Variants in CACNA1H observed in about 807,000 individuals in gnomAD.
CACNA1H encodes the protein voltage-dependent T-type calcium channel subunit alpha-1H.
In CACNA1H, 149 loss-of-function variants were observed where a neutral mutation model predicts 192.5. That is an observed-to-expected ratio of 0.77 (90% confidence interval 0.68 to 0.89). The LOEUF (loss-of-function observed/expected upper bound fraction) is 0.89, where lower values mean the gene tolerates loss of function less well. Among genes scored for constraint, CACNA1H ranks in the 40% least tolerant of loss-of-function variants. CACNA1H has a pLI of 0.00. For synonymous variants in CACNA1H, 2,202 were observed against 1,475.2 expected (o/e 1.49, Z -11.29); for missense variants, 4,257 against 3,423.5 (o/e 1.24, Z -6.08).
At chr16:1,165,951 C>G (rs910229851) in intron 2 of CACNA1H, among the ~76,000 whole-genome samples, 2 of 152,110 alleles carry the variant, frequency 1.3e-5, no homozygotes, top group East Asian at 1.9e-4. Flanking sequence ...GTGGGCACAC[C>G]GGCCCGTGCA....
rs1258180599 is a variant in CACNA1H at position 1,195,024 on chromosome 16, G to GGCAT, written c.354_357dup (p.Phe120HisfsTer6). On this transcript the variant is annotated frameshift_variant, in exon 3 of 35. Transcript: ENST00000348261. LOFTEE classifies it high-confidence loss of function. Reference sequence around the variant, plus strand: ...AATCATGCTCAACTGCGTGACCCTGGGCATGTTCCGGCCCTGTGAGGACGT... The same window carrying GGCAT: ...AATCATGCTCAACTGCGTGACCCTGGGCATGCATGTTCCGGCCCTGTGAGGACGT... 1 of 1,612,026 alleles carries GGCAT rather than the reference G, an allele frequency of 6.2e-7. No individual in the cohort carries two copies. Among genetic ancestry groups the GGCAT allele is most frequent in the African/African-American group, 1.3e-5 (1 of 74,828 alleles).
intron 8 of CACNA1H, among the ~76,000 whole-genome samples, chr16:1,201,312 A>G (rs1967867413): frequency 6.6e-6 from 1 of 152,154 alleles, no homozygotes; most frequent in Non-Finnish European, 1.5e-5. Flanking sequence ...ACGCTGGTCC[A>G]TGCTAAGGAG....
In CACNA1H at chr16:1,167,277, C is replaced by T. The variant is rs193252042; in HGVS notation, c.299+13241C>T. On this transcript the variant is annotated intron_variant, in intron 2 of 34. Coordinates refer to ENST00000348261, the MANE Select transcript of CACNA1H (RefSeq NM_021098.3). The surrounding 1 kb of genome is among the most constrained non-coding windows in gnomAD (Gnocchi z 4.2). ...CAGCAGCCCGTCCCGGTGGGTGGGG[C>T]TTGCCGGCCGCCCGCGAATGTCAGG... 2.2e-4 allele frequency among the ~76,000 whole-genome samples: 34 copies of T among 152,282 alleles called. No homozygotes were observed. The East Asian group carries it at 6.2e-3, about 28-fold the overall frequency.
chr16:1,157,128 A>G (rs1962526491), intron 2 of CACNA1H: 1 of 152,150 alleles, frequency 6.6e-6, no homozygotes, highest in South Asian at 2.1e-4. Flanking sequence ...GTCCCGGCAC[A>G]CGGACGGGGC....
intron 26 of CACNA1H, among the ~76,000 whole-genome samples, chr16:1,212,896 A>G (rs1969628832): frequency 6.6e-6 from 1 of 152,174 alleles, no homozygotes; most frequent in Admixed American, 6.5e-5. Flanking sequence ...CAGTGACTGC[A>G]TGCCGGCCGC....
chr16:1,200,299 G>A lies in CACNA1H; in HGVS notation c.847G>A (p.Glu283Lys), dbSNP rs1258615740. The A allele has an allele frequency of 3.1e-6, 5 of 1,606,440 alleles. No individual in the cohort carries two copies. The highest frequency in any genetic ancestry group is 4.5e-5 in the East Asian group (2 of 44,668). The change falls in exon 7 of 35, where the codon GAG becomes AAG. Residue 283 changes from glutamate to lysine, a missense_variant. Physicochemically the swap from Glu to Lys is moderately conservative, Grantham distance 56. Transcript: ENST00000348261. Reference sequence around the variant, plus strand: ...CCTGCGGCCGTACTACCAGACGGAGGAGGGCGAGGAGAACCCGTTCATCTG... The same window carrying A: ...CCTGCGGCCGTACTACCAGACGGAGAAGGGCGAGGAGAACCCGTTCATCTG... ...TFLRPYYQTE[E>K]GEENPFICSS... is the part of the protein sequence containing the mutation.
chr16:1,219,422 T>TGGGCAGACAGCGGTTTCTCAGGC (rs1970302848), intron 34 of CACNA1H, among the ~76,000 whole-genome samples: 1 of 151,946 alleles, frequency 6.6e-6, no homozygotes, highest in African/African-American at 2.4e-5. Flanking sequence ...GTTTCTCAGG[T>TGGGCAGACAGCGGTTTCTCAGGC]CCCGTGGTGG....
At chr16:1,195,393 G>A in intron 3 of CACNA1H, 39 bp from the exon 4 acceptor site, 2 of 1,549,660 alleles carry the variant, frequency 1.3e-6, no homozygotes, top group Non-Finnish European at 1.7e-6. Flanking sequence ...GGGCTGAGCT[G>A]AGCTGTTCCA....
At position 1,218,444 on chromosome 16, in the gene CACNA1H, G is replaced by T. The variant is rs752100175; in HGVS notation, c.5680G>T (p.Val1894Leu). 6.4e-7 allele frequency: 1 copy of T among 1,552,202 alleles called. No homozygotes were observed. The highest frequency in any genetic ancestry group is 1.2e-5 in the South Asian group (1 of 84,130). ...MAQGPGSARRVDADRPPLPQE... is the reference protein window; with the variant it reads ...MAQGPGSARRLDADRPPLPQE... ...GCAGGGCCCCGGGAGTGCACGCCGGGTGGACGCGGACAGGCCTCCCTTGCC... is the reference window on the plus strand; with the variant it reads ...GCAGGGCCCCGGGAGTGCACGCCGGTTGGACGCGGACAGGCCTCCCTTGCC... The change falls in exon 33 of 35, where the codon GTG becomes TTG. Residue 1894 changes from valine to leucine, a missense_variant. Coordinates refer to ENST00000348261, the MANE Select transcript of CACNA1H (RefSeq NM_021098.3).
chr16:1,203,728 G>A (rs1287979232), intron 9 of CACNA1H, among the ~76,000 whole-genome samples: 3 of 152,112 alleles, frequency 2.0e-5, no homozygotes, highest in East Asian at 1.9e-4. Flanking sequence ...ACGTCCCTGC[G>A]GTCTCTCTGT....
intron 2 of CACNA1H, among the ~76,000 whole-genome samples, chr16:1,174,575 C>T (rs989327818): frequency 1.2e-4 from 18 of 152,066 alleles, no homozygotes; most frequent in African/African-American, 4.1e-4. Context: ...GCCCCTGCCA[C>T]GCTCAGGGCT....
At chr16:1,199,468 A>T (rs1308689847) in intron 6 of CACNA1H, among the ~76,000 whole-genome samples, 2 of 85,304 alleles carry the variant, frequency 2.3e-5, no homozygotes, top group African/African-American at 1.0e-4. Flanking sequence ...CCCCACCCCC[A>T]TCATGGCTCC....
intron 2 of CACNA1H, among the ~76,000 whole-genome samples, chr16:1,175,679 G>A (rs1403564718): frequency 6.6e-6 from 1 of 152,244 alleles, no homozygotes; most frequent in Admixed American, 6.5e-5. Flanking sequence ...CTCCGCAGAT[G>A]CCGGAGGGAG....
intron 2 of CACNA1H, among the ~76,000 whole-genome samples, chr16:1,192,470 C>G (rs1178035138): frequency 6.6e-6 from 1 of 152,236 alleles, no homozygotes; most frequent in Non-Finnish European, 1.5e-5. Flanking sequence ...GGGTGCTGGC[C>G]CCTTCCCTTC....
At position 1,195,795 on chromosome 16, in the gene CACNA1H, C is replaced by T. The variant is rs1596383617; in HGVS notation, c.546-131C>T. On this transcript the variant is annotated intron_variant, in intron 4 of 34. Coordinates refer to ENST00000348261, the MANE Select transcript of CACNA1H (RefSeq NM_021098.3). ...TGCTCCTGCTACCTCGGGGCCCTTC[C>T]TGGCCAGTACAAGGTCCTCCGGGTG... 17 of 900,346 alleles carry T rather than the reference C, an allele frequency of 1.9e-5. No homozygotes were observed. In the East Asian group the frequency reaches 3.8e-4, roughly 20 times the overall value. The allele number at this position is 900,346 out of a possible 1,614,324, so 55.8% of individuals were successfully genotyped here.
rs775972605 is a variant in CACNA1H, at chr16:1,220,702, G to A, written c.6770G>A (p.Arg2257Gln). The A allele has an allele frequency of 7.8e-5, 125 of 1,611,538 alleles. No individual in the cohort carries two copies. Among genetic ancestry groups the A allele is most frequent in the Middle Eastern group, 1.6e-4 (1 of 6,080 alleles). ...GAGCGCTGGGGCCAGGCCTCCTGCC[G>A]GGCTGAGCACCTGACCGTCCCCAGC... Reference protein sequence around the residue: ...KGERWGQASCRAEHLTVPSFA... With the variant: ...KGERWGQASCQAEHLTVPSFA... Residue 2257 changes from arginine (R) to glutamine (Q), a missense_variant, in exon 35 of 35, where the codon CGG (arginine) becomes CAG (glutamine). Arg to Gln is a conservative substitution (Grantham distance 43, BLOSUM62 1). Coordinates refer to ENST00000348261, the MANE Select transcript of CACNA1H (RefSeq NM_021098.3).
chr16:1,192,646 AGGGAG>A (rs1443929869), intron 2 of CACNA1H, among the ~76,000 whole-genome samples: 2 of 152,170 alleles, frequency 1.3e-5, no homozygotes, highest in Non-Finnish European at 2.9e-5. Context: ...GCTGGGGTAC[AGGGAG>A]GGTGTGAAAG....
In CACNA1H at chr16:1,220,396, G is replaced by A. The variant is rs377261049; in HGVS notation, c.6464G>A (p.Arg2155Gln). The A allele has an allele frequency of 3.7e-5, 56 of 1,520,944 alleles. 1 individual carries two copies. In the African/African-American group the frequency reaches 4.5e-4, roughly 12 times the overall value. 94.2% of individuals were successfully genotyped at this position (1,520,944 alleles called of 1,614,324 possible). Reference sequence around the variant, plus strand: ...CCGGGCCGGGCAGACGAGCAGTGGCGGCCCTCGGCGGAGCTGGGCAGCGGG... The same window carrying A: ...CCGGGCCGGGCAGACGAGCAGTGGCAGCCCTCGGCGGAGCTGGGCAGCGGG... ...DKPGRADEQW[R>Q]PSAELGSGEP... The change falls in exon 35 of 35, where the codon CGG (arginine) becomes CAG (glutamine). Residue 2155 changes from arginine to glutamine, a missense_variant. Coordinates refer to ENST00000348261, the MANE Select transcript of CACNA1H (RefSeq NM_021098.3).
chr16:1,175,848 G>T (rs965176223), intron 2 of CACNA1H, among the ~76,000 whole-genome samples: 1 of 152,184 alleles, frequency 6.6e-6, no homozygotes, highest in African/African-American at 2.4e-5. Context: ...AGGGGCGTGT[G>T]CCAGTGGCCC....
Sources: gnomAD v4.1 joint callset for allele counts (sites outside exome capture counted in the v4.1 genomes callset) on GRCh38, gnomAD v4.1.1 for gene constraint, Gnocchi (gnomAD v3.1) non-coding constraint, MANE v1.5 for transcripts, NCBI Gene and HGNC (gene_info 2026-07-23, HGNC 2026-07-21) for gene names.